Variants in GNGT1 observed in about 807,000 individuals in gnomAD.
GNGT1 encodes the protein G protein subunit gamma transducin 1.
A neutral mutation model predicts 7.4 loss-of-function variants in GNGT1; 4 were observed. That is an observed-to-expected ratio of 0.54 (90% CI 0.27 to 1.24). GNGT1 has a LOEUF of 1.24. Among genes scored for constraint, GNGT1 ranks in the 50% most tolerant of loss-of-function variants. The pLI, the probability that GNGT1 is intolerant of heterozygous loss-of-function variation, is 0.12. For missense variants in GNGT1, 95 were observed against 82.4 expected, an observed-to-expected ratio of 1.15 and a Z score of -0.59; for synonymous variants, 37 against 30.2, an observed-to-expected ratio of 1.23 and a Z score of -0.74.
chr7:93,909,261 A>G (rs1309617235), intron 2 of GNGT1, among the ~76,000 whole-genome samples: 1 of 152,174 alleles, frequency 6.6e-6, no homozygotes, highest in Admixed American at 6.5e-5. Context: ...CCTCTTAGGC[A>G]TTTAAGGCAA....
At chr7:93,909,225 G>A (rs1327096853) in intron 2 of GNGT1, among the ~76,000 whole-genome samples, 2 of 152,090 alleles carry the variant, frequency 1.3e-5, no homozygotes, top group East Asian at 3.8e-4. Flanking sequence ...GTTACTATTT[G>A]ATTGTGCATC....
chr7:93,911,131 C>T lies in GNGT1; in HGVS notation c.*213C>T, dbSNP rs560398039. 2 of 272,126 alleles carry T rather than the reference C, an allele frequency of 7.3e-6. No homozygotes were observed. Among genetic ancestry groups the T allele is most frequent in the East Asian group, 6.0e-5 (1 of 16,678 alleles). The allele number at this position is 272,126 out of a possible 1,614,324, so 16.9% of individuals were successfully genotyped here. On this transcript the variant is annotated 3_prime_UTR_variant, in exon 3 of 3. Coordinates refer to ENST00000248572, the MANE Select transcript of GNGT1 (RefSeq NM_021955.5). Reference sequence around the variant, plus strand: ...TGGCACAGGGTTTAACACATAATTGCCAATAAATATTGCTTAAAGTTCTTT... The same window carrying T: ...TGGCACAGGGTTTAACACATAATTGTCAATAAATATTGCTTAAAGTTCTTT...
At chr7:93,907,199 G>T (rs1169029691) in intron 2 of GNGT1, among the ~76,000 whole-genome samples, 1 of 151,270 alleles carries the variant, frequency 6.6e-6, no homozygotes, top group Non-Finnish European at 1.5e-5. Context: ...AAATAAAAGA[G>T]AAAGAAAAGA....
In GNGT1 at chr7:93,910,829, G is replaced by A. The variant is rs1241114658; in HGVS notation, c.136G>A (p.Glu46Lys). 11 of 1,606,010 alleles carry A rather than the reference G, an allele frequency of 6.8e-6. No individual in the cohort carries two copies. The highest frequency in any genetic ancestry group is 3.3e-5 in the South Asian group (3 of 90,168). The change falls in exon 3 of 3, where the codon GAA becomes AAA. Residue 46 changes from glutamate to lysine, a missense_variant. Glu to Lys is a moderately conservative substitution (Grantham distance 56, BLOSUM62 1). Transcript: ENST00000248572. ...TGAAGAAGTAAGAGATTACGTTGAA[G>A]AACGATCTGGCGAGGATCCACTGGT... ...CCEEVRDYVE[E>K]RSGEDPLVKG...
At chr7:93,909,336 G>A (rs1425762814) in intron 2 of GNGT1, 1 of 507,182 alleles carries the variant, frequency 2.0e-6, no homozygotes, top group African/African-American at 1.9e-5. Context: ...CCTTAACTAA[G>A]ACTAAATAGC....
At chr7:93,909,939 A>C (rs1794434766) in intron 2 of GNGT1, 1 of 156,438 alleles carries the variant, frequency 6.4e-6, no homozygotes, top group Non-Finnish European at 1.4e-5. Context: ...TACTGTCATG[A>C]AAGATACACT....
chr7:93,908,169 T>C (rs1409867339), intron 2 of GNGT1, among the ~76,000 whole-genome samples: 5 of 152,142 alleles, frequency 3.3e-5, no homozygotes, highest in Admixed American at 6.6e-5. Context: ...TTTTCCCCAT[T>C]ATTCAATGTC....
intron 2 of GNGT1, among the ~76,000 whole-genome samples, chr7:93,907,072 C>A (rs932319480): frequency 1.3e-5 from 2 of 151,526 alleles, no homozygotes; most frequent in African/African-American, 2.4e-5. Flanking sequence ...AATCCTTAGC[C>A]TCTTTTTGTA....
intron 2 of GNGT1, chr7:93,910,543 A>G (rs1314074481): frequency 4.9e-6 from 1 of 204,952 alleles, no homozygotes; most frequent in Non-Finnish European, 9.8e-6. Flanking sequence ...TGTTGGAGGC[A>G]GTGTCTGCTG....
Position 93,910,937 on chromosome 7 carries a change from A to T in GNGT1, c.*19A>T. ...TTCATAATACAAACAAAAAGAAAAA[A>T]AATTAAACAAATTCTTGGAAATATC... On this transcript the variant is annotated 3_prime_UTR_variant, in exon 3 of 3. Coordinates refer to ENST00000248572, the MANE Select transcript of GNGT1 (RefSeq NM_021955.5). 6.6e-7 allele frequency: 1 copy of T among 1,515,142 alleles called. No homozygotes were observed. Among genetic ancestry groups the T allele is most frequent in the African/African-American group, 1.4e-5 (1 of 71,068 alleles). The allele number at this position is 1,515,142 out of a possible 1,614,324, so 93.9% of individuals were successfully genotyped here. A position where few individuals can be genotyped will look rare whatever the true frequency, so the allele number is the denominator to read the frequency against.
At chr7:93,909,320 G>A (rs1794424949) in intron 2 of GNGT1, among the ~76,000 whole-genome samples, 1 of 152,172 alleles carries the variant, frequency 6.6e-6, no homozygotes, top group African/African-American at 2.4e-5. Flanking sequence ...AACCTTAGAT[G>A]AATTACCTTA....
chr7:93,907,483 C>G (rs1794394450), intron 2 of GNGT1, among the ~76,000 whole-genome samples: 1 of 152,130 alleles, frequency 6.6e-6, no homozygotes, highest in Non-Finnish European at 1.5e-5. Flanking sequence ...CATAAGAACT[C>G]ACTGGTTCCT....
At chr7:93,910,613 G>A (rs1472283550) in intron 2 of GNGT1, 177 bp from the exon 3 acceptor site, 3 of 337,228 alleles carry the variant, frequency 8.9e-6, no homozygotes, top group Non-Finnish European at 1.7e-5. Flanking sequence ...ATATCCAGAA[G>A]GAGTGGGAAG....
At chr7:93,909,595 G>C (rs1219304105) in intron 2 of GNGT1, 2 of 660,508 alleles carry the variant, frequency 3.0e-6, no homozygotes, top group East Asian at 2.7e-5. Context: ...GACTTTTAGA[G>C]AGAGAGTGTG....
intron 2 of GNGT1, among the ~76,000 whole-genome samples, chr7:93,908,067 G>A (rs73412386): frequency 0.023 from 3,473 of 152,134 alleles, 126 homozygotes; most frequent in African/African-American, 0.08. Flanking sequence ...GATTGTCTTC[G>A]TGTTTATTAT....
At position 93,906,735 on chromosome 7, in the gene GNGT1, G is replaced by A; in HGVS notation, c.-11-1G>A. ...TAGCTGCTAACCTTCTACATCTTCA[G>A]CAGGCAAAAAGATGCCAGTAATCAA... On this transcript the variant is annotated splice_acceptor_variant, in intron 1 of 2. Transcript: ENST00000248572. LOFTEE classifies it low-confidence loss of function (5UTR_SPLICE). 2.0e-6 allele frequency: 3 copies of A among 1,538,358 alleles called. No homozygotes were observed. Among genetic ancestry groups the A allele is most frequent in the Non-Finnish European group, 2.7e-6 (3 of 1,118,122 alleles).
chr7:93,910,689 A>G, intron 2 of GNGT1, 101 bp from the exon 3 acceptor site: 1 of 843,750 alleles, frequency 1.2e-6, no homozygotes, highest in Non-Finnish European at 1.8e-6. Context: ...AATCAAACTG[A>G]AATTATACAA....
chr7:93,910,706 A>T lies in GNGT1; in HGVS notation c.97-84A>T, dbSNP rs1303894361. 17 of 961,066 alleles carry T rather than the reference A, an allele frequency of 1.8e-5. No homozygotes were observed. In the East Asian group the frequency reaches 4.4e-4, roughly 25 times the overall value. The allele number at this position is 961,066 out of a possible 1,614,324, so 59.5% of individuals were successfully genotyped here. On this transcript the variant is annotated intron_variant, in intron 2 of 2. Coordinates refer to ENST00000248572, the MANE Select transcript of GNGT1 (RefSeq NM_021955.5). ...TCAAACTGAAATTATACAACCTGAA[A>T]ATTTATTGTAATAAATAAATTCCTG...
chr7:93,908,743 T>C lies in GNGT1; in HGVS notation c.96+1901T>C, dbSNP rs148909594. 1.4e-3 allele frequency among the ~76,000 whole-genome samples: 216 copies of C among 151,982 alleles called. 1 individual carries two copies. Among genetic ancestry groups the C allele is most frequent in the African/African-American group, 4.7e-3 (196 of 41,524 alleles). Reference sequence around the variant, plus strand: ...GCTCTGATGTATAATCAGTACAGTATGGTTAAGTGGATATACTCAGTATGG... The same window carrying C: ...GCTCTGATGTATAATCAGTACAGTACGGTTAAGTGGATATACTCAGTATGG... On this transcript the variant is annotated intron_variant, in intron 2 of 2. Transcript: ENST00000248572.
Sources: gnomAD v4.1 joint callset for allele counts (sites outside exome capture counted in the v4.1 genomes callset) on GRCh38, gnomAD v4.1.1 for gene constraint, MANE v1.5 for transcripts, NCBI Gene and HGNC (gene_info 2026-07-23, HGNC 2026-07-21) for gene names.